The following EMC8 variants were observed in gnomAD, a reference collection of about 807,000 sequenced individuals.
EMC8 encodes COX4 neighbor.
EMC8 carries 11 observed loss-of-function variants against 24.3 expected under a neutral mutation model. The observed-to-expected ratio is 0.45, with a 90% CI of 0.28 to 0.75. EMC8 has a LOEUF of 0.75. Among genes scored for constraint, EMC8 ranks in the 30% least tolerant of loss-of-function variants. The pLI is 0.12. For missense variants in EMC8, 277 were observed against 282.7 expected (o/e 0.98, Z 0.14); for synonymous variants, 145 against 117.7 (o/e 1.23, Z -1.50).
chr16:85,788,328 A>T (rs921435), intron 2 of EMC8, among the ~76,000 whole-genome samples: 118,694 of 152,292 alleles, frequency 0.78, 46,744 homozygotes, highest in Non-Finnish European at 0.84. Context: ...CCTTGTTTAC[A>T]GCACGACCCC....
chr16:85,781,237 C>T lies in EMC8; in HGVS notation c.352G>A (p.Gly118Ser), dbSNP rs752732509. Reference protein sequence around the residue: ...AEKVASRIAEGFSDTALIMVD... With the variant: ...AEKVASRIAESFSDTALIMVD... ...ATGATGAGCGCAGTGTCGCTGAAGC[C>T]CTCGGCGATTCTGGAGGCCACCTTC... The change falls in exon 3 of 5, where the codon GGC becomes AGC. Residue 118 changes from glycine (G) to serine (S), a missense_variant. Transcript: ENST00000253457. 1 of 1,613,946 alleles carries T rather than the reference C, an allele frequency of 6.2e-7. No homozygotes were observed. Among genetic ancestry groups the T allele is most frequent in the Non-Finnish European group, 8.5e-7 (1 of 1,179,848 alleles).
rs1031283121 is a variant in EMC8 at position 85,778,697 on chromosome 16, T to G, written c.*1011A>C. 1 of 152,228 alleles carries G rather than the reference T, an allele frequency of 6.6e-6. No individual in the cohort carries two copies. The highest frequency in any genetic ancestry group is 2.4e-5 in the African/African-American group (1 of 41,464). The allele number at this position is 152,228 out of a possible 1,614,324, so 9.4% of individuals were successfully genotyped here. On this transcript the variant is annotated 3_prime_UTR_variant, in exon 5 of 5. Coordinates refer to ENST00000253457, the MANE Select transcript of EMC8 (RefSeq NM_006067.5). ...TTTCCTATGTGTTAAGAGAAAATAGTGACCGCTGTATCACAAACCCTTTCA... is the reference window on the plus strand; with the variant it reads ...TTTCCTATGTGTTAAGAGAAAATAGGGACCGCTGTATCACAAACCCTTTCA...
At chr16:85,793,745 C>T (rs1190994813) in intron 1 of EMC8, among the ~76,000 whole-genome samples, 1 of 152,146 alleles carries the variant, frequency 6.6e-6, no homozygotes, top group Non-Finnish European at 1.5e-5. Context: ...GCTACTCCAC[C>T]GCACTAGAAA....
intron 1 of EMC8, among the ~76,000 whole-genome samples, chr16:85,793,918 AT>A (rs1324462893): frequency 6.6e-6 from 1 of 152,256 alleles, no homozygotes; most frequent in Non-Finnish European, 1.5e-5. Context: ...TTAAAAAAAC[AT>A]AAAAAGCATG....
intron 1 of EMC8, among the ~76,000 whole-genome samples, chr16:85,798,204 C>A (rs1329061291): frequency 6.7e-6 from 1 of 148,564 alleles, no homozygotes; most frequent in Non-Finnish European, 1.5e-5. Context: ...TCACTGCAAC[C>A]TCTGCCTCCT....
In EMC8 at chr16:85,782,765, C is replaced by A. The variant is rs551207971; in HGVS notation, c.309-1485G>T. 2.0e-5 allele frequency among the ~76,000 whole-genome samples: 3 copies of A among 152,294 alleles called. No homozygotes were observed. The South Asian group carries it at 6.2e-4, about 32-fold the overall frequency. On this transcript the variant is annotated intron_variant, in intron 2 of 4. Coordinates refer to ENST00000253457, the MANE Select transcript of EMC8 (RefSeq NM_006067.5). ...CCAAGACTGCTACCCCCTCAAAAGC[C>A]TCCCAGCGGGAACCCACCACTCTCA...
At chr16:85,797,352 G>C (rs545245114) in intron 1 of EMC8, among the ~76,000 whole-genome samples, 1 of 152,258 alleles carries the variant, frequency 6.6e-6, no homozygotes, top group African/African-American at 2.4e-5. Context: ...AAGTTGCAGT[G>C]AGCCGAGATC....
At chr16:85,790,784 G>C (rs1253278628) in intron 1 of EMC8, among the ~76,000 whole-genome samples, 1 of 151,986 alleles carries the variant, frequency 6.6e-6, no homozygotes, top group Non-Finnish European at 1.5e-5. Context: ...CACTGTCTTA[G>C]TTTCCTATTG....
chr16:85,798,740 A>C, intron 1 of EMC8: 1 of 316,230 alleles, frequency 3.2e-6, no homozygotes. Flanking sequence ...GAAATCCTCA[A>C]GGGAAACTCT....
chr16:85,789,798 C>CAA (rs879349757), intron 1 of EMC8, among the ~76,000 whole-genome samples: 32 of 101,262 alleles, frequency 3.2e-4, no homozygotes, highest in African/African-American at 9.9e-4. Context: ...GTCTCCGTCT[C>CAA]AAAAAAAAAA....
At chr16:85,785,796 C>A (rs1304632707) in intron 2 of EMC8, among the ~76,000 whole-genome samples, 1 of 152,124 alleles carries the variant, frequency 6.6e-6, no homozygotes, top group Admixed American at 6.6e-5. Context: ...GAAGGCAGAC[C>A]ACTCTGCTCA....
intron 2 of EMC8, chr16:85,787,764 T>C (rs1279177135): frequency 6.6e-6 from 1 of 152,222 alleles, no homozygotes; most frequent in Non-Finnish European, 1.5e-5. Flanking sequence ...TGACTTTGAG[T>C]GCAGCATCTC....
intron 1 of EMC8, chr16:85,798,776 G>A (rs947121375): frequency 5.2e-6 from 2 of 383,502 alleles, no homozygotes; most frequent in Non-Finnish European, 9.3e-6. Context: ...AGTGAACGAT[G>A]ACTTGTTTCT....
rs1905434687 is a variant in EMC8, at chr16:85,799,009, C to A, written c.231+56G>T. The A allele has an allele frequency of 6.4e-6, 8 of 1,256,298 alleles. No homozygotes were observed. The highest frequency in any genetic ancestry group is 7.8e-6 in the Non-Finnish European group (7 of 900,554). 77.8% of individuals were successfully genotyped at this position (1,256,298 alleles called of 1,614,324 possible). On this transcript the variant is annotated intron_variant, in intron 1 of 4. Coordinates refer to ENST00000253457, the MANE Select transcript of EMC8 (RefSeq NM_006067.5). The surrounding 1 kb of genome is among the most constrained non-coding windows in gnomAD (Gnocchi z 4.2). ...GACCGCTGGGCCAGCTTCCTCTCTG[C>A]TGACTGAGGGGAGGCCAGGCTGCCT...
intron 1 of EMC8, 183 bp downstream of exon 1, chr16:85,798,882 G>A: frequency 1.8e-6 from 1 of 541,274 alleles, no homozygotes; most frequent in Non-Finnish European, 3.3e-6. Context: ...GCTACTACGG[G>A]ACGCTATTTA....
chr16:85,789,911 C>T (rs1320425542), intron 1 of EMC8, among the ~76,000 whole-genome samples: 3 of 152,074 alleles, frequency 2.0e-5, no homozygotes, highest in South Asian at 2.1e-4. Context: ...GGAAGGGGCA[C>T]GTGCACATGT....
chr16:85,793,342 G>A (rs1270744389), intron 1 of EMC8, among the ~76,000 whole-genome samples: 1 of 152,212 alleles, frequency 6.6e-6, no homozygotes, highest in Non-Finnish European at 1.5e-5. Flanking sequence ...AGGCCTTGGA[G>A]TTCAGAAGTA....
rs542533828 is a variant in EMC8 at position 85,796,885 on chromosome 16, G to C, written c.231+2180C>G. Among the ~76,000 whole-genome samples the C allele has an allele frequency of 1.8e-4, 27 of 152,302 alleles. 1 individual carries two copies. Among genetic ancestry groups the C allele is most frequent in the African/African-American group, 6.0e-4 (25 of 41,550 alleles). Reference sequence around the variant, plus strand: ...CTTTTTTACTAAGCTCCGCCTGTGAGGTTTAGGTGCTGTGCTTGCTGGCTT... The same window carrying C: ...CTTTTTTACTAAGCTCCGCCTGTGACGTTTAGGTGCTGTGCTTGCTGGCTT... On this transcript the variant is annotated intron_variant, in intron 1 of 4. Transcript: ENST00000253457.
Position 85,779,348 on chromosome 16 carries a change from TTA to T in EMC8, c.*358_*359del, listed in dbSNP as rs147383629. ...AAGATGTGGGCTTTTTTTTTTTTTT[TTA>T]AAAAAAGATAGTTCAAAAGCCTTAA... On this transcript the variant is annotated 3_prime_UTR_variant, in exon 5 of 5. Coordinates refer to ENST00000253457, the MANE Select transcript of EMC8 (RefSeq NM_006067.5). 0.027 allele frequency: 3,468 copies of T among 130,410 alleles called. 49 individuals are homozygous for T. The highest frequency in any genetic ancestry group is 0.039 in the Non-Finnish European group (2,393 of 61,326). The allele number at this position is 130,410 out of a possible 1,614,324, so 8.1% of individuals were successfully genotyped here.
Sources: gnomAD v4.1 joint callset for allele counts (sites outside exome capture counted in the v4.1 genomes callset) on GRCh38, gnomAD v4.1.1 for gene constraint, Gnocchi (gnomAD v3.1) non-coding constraint, MANE v1.5 for transcripts, NCBI Gene and HGNC (gene_info 2026-07-23, HGNC 2026-07-21) for gene names.